PDE11A: variants seen among roughly 807,000 people sequenced by gnomAD.
PDE11A encodes phosphodiesterase 11A.
PDE11A carries 100 observed loss-of-function variants against 100.5 expected under a neutral mutation model. The observed-to-expected ratio is 1.00, with a 90% CI of 0.85 to 1.18. The LOEUF (loss-of-function observed/expected upper bound fraction) is 1.18, where lower values mean the gene tolerates loss of function less well. Among genes scored for constraint, PDE11A ranks in the 50% most tolerant of loss-of-function variants. The pLI is 0.00. For synonymous variants in PDE11A, 381 were observed against 420.8 expected, an observed-to-expected ratio of 0.91 and a Z score of 1.16; for missense variants, 1,141 against 1,152.6, an observed-to-expected ratio of 0.99 and a Z score of 0.15.
chr2:178,083,741 C>T (rs1398000351), intron 2 of PDE11A, among the ~76,000 whole-genome samples: 2 of 152,224 alleles, frequency 1.3e-5, no homozygotes, highest in Non-Finnish European at 2.9e-5. Context: ...GAAAATGTTC[C>T]TCTTTCTGGA....
intron 1 of PDE11A, 34 bp downstream of exon 1, chr2:178,071,492 G>A (rs2087128966): frequency 1.2e-6 from 2 of 1,612,478 alleles, no homozygotes; most frequent in Admixed American, 1.7e-5. Flanking sequence ...AAGCCAATGG[G>A]GCTCTGGGAG....
At chr2:178,077,368 G>C (rs963566936), upstream of PDE11A, among the ~76,000 whole-genome samples, 2 of 138,614 alleles carry the variant, frequency 1.4e-5, no homozygotes, top group African/African-American at 5.6e-5. Flanking sequence ...CAAAATATTT[G>C]CTCCTAAATG....
intron 10 of PDE11A, among the ~76,000 whole-genome samples, chr2:177,743,652 G>A (rs962049899): frequency 1.3e-5 from 2 of 152,210 alleles, no homozygotes; most frequent in Admixed American, 1.3e-4. Flanking sequence ...GCTACCACCT[G>A]CAGTTAGTTT....
chr2:178,030,723 T>A (rs919483480), intron 1 of PDE11A, among the ~76,000 whole-genome samples: 1 of 152,022 alleles, frequency 6.6e-6, no homozygotes, highest in Admixed American at 6.6e-5. Flanking sequence ...AAAAAATTTT[T>A]AAAAATTAGC....
At chr2:177,807,104 C>T (rs1056003015) in intron 9 of PDE11A, among the ~76,000 whole-genome samples, 1 of 152,000 alleles carries the variant, frequency 6.6e-6, no homozygotes, top group East Asian at 1.9e-4. Context: ...AAGTAAAACA[C>T]ATTTATGTAC....
intron 3 of PDE11A, among the ~76,000 whole-genome samples, chr2:177,902,129 G>T (rs1343088730): frequency 6.6e-6 from 1 of 152,168 alleles, no homozygotes; most frequent in East Asian, 1.9e-4. Flanking sequence ...CATCCAGATG[G>T]TCTGAAGCAA....
intron 9 of PDE11A, among the ~76,000 whole-genome samples, chr2:177,795,253 T>C (rs2105543363): frequency 6.6e-6 from 1 of 152,144 alleles, no homozygotes; most frequent in South Asian, 2.1e-4. Context: ...CTTTTGGAAA[T>C]AGACATATAA....
At chr2:177,733,101 T>C (rs2081718173) in intron 10 of PDE11A, among the ~76,000 whole-genome samples, 1 of 152,184 alleles carries the variant, frequency 6.6e-6, no homozygotes, top group South Asian at 2.1e-4. Context: ...GATTGCATCT[T>C]CCAAACCTAT....
At chr2:178,075,921 A>C (rs561301515), upstream of PDE11A, among the ~76,000 whole-genome samples, 6 of 152,314 alleles carry the variant, frequency 3.9e-5, no homozygotes, top group East Asian at 9.6e-4. Flanking sequence ...CCCTTTAGGA[A>C]ATATAGCTCC....
chr2:177,639,338 T>C (rs1276840573), intron 19 of PDE11A, among the ~76,000 whole-genome samples: 1 of 152,206 alleles, frequency 6.6e-6, no homozygotes, highest in Non-Finnish European at 1.5e-5. Flanking sequence ...CCCTTATCAC[T>C]GGTTTTAAAA....
At chr2:177,730,166 T>A (rs1030380531) in intron 10 of PDE11A, among the ~76,000 whole-genome samples, 22 of 152,226 alleles carry the variant, frequency 1.4e-4, no homozygotes, top group African/African-American at 5.3e-4. Flanking sequence ...CACGTTGGTG[T>A]GTTGCACCCA....
At position 178,014,388 on chromosome 2, in the gene PDE11A, G is replaced by A. The variant is rs188985665; in HGVS notation, c.985C>T (p.Arg329Ter). Residue 329 changes from arginine to a stop codon, truncating the protein, a stop_gained, in exon 2 of 20, where the codon CGA becomes TGA. Transcript: ENST00000286063. LOFTEE classifies it high-confidence loss of function. ...CCAATAATCTCACCATCACTGCTTC[G>A]GATAGGCATGCACAATAATGATTTT... ...KTKSLLCMPIRSSDGEIIGVA... is the reference protein window; with the variant it reads ...KTKSLLCMPI 2.4e-4 allele frequency: 382 copies of A among 1,611,182 alleles called. 2 individuals carry two copies. Among genetic ancestry groups the A allele is most frequent in the South Asian group, 7.6e-4 (69 of 91,002 alleles).
At chr2:177,789,686 C>T (rs1032410400) in intron 9 of PDE11A, among the ~76,000 whole-genome samples, 10 of 152,168 alleles carry the variant, frequency 6.6e-5, no homozygotes, top group African/African-American at 2.4e-4. Flanking sequence ...GCAACTTAAG[C>T]AAAGTCTCAG....
intron 5 of PDE11A, among the ~76,000 whole-genome samples, chr2:177,851,761 C>T (rs562809731): frequency 9.9e-5 from 15 of 151,872 alleles, no homozygotes; most frequent in Non-Finnish European, 1.9e-4. Context: ...CTTTTAAGTT[C>T]AGGGGTACAT....
intron 10 of PDE11A, among the ~76,000 whole-genome samples, chr2:177,766,284 A>G (rs748053340): frequency 6.6e-6 from 1 of 152,168 alleles, no homozygotes; most frequent in Non-Finnish European, 1.5e-5. Flanking sequence ...TCCTATGAGA[A>G]TCTAATGCCA....
chr2:178,014,809 G>A (rs2086315909), intron 1 of PDE11A, among the ~76,000 whole-genome samples: 1 of 151,864 alleles, frequency 6.6e-6, no homozygotes, highest in Non-Finnish European at 1.5e-5. Flanking sequence ...ACTTACATGA[G>A]AAATATATAC....
At chr2:178,030,412 C>T (rs1343575100) in intron 1 of PDE11A, among the ~76,000 whole-genome samples, 1 of 152,122 alleles carries the variant, frequency 6.6e-6, no homozygotes, top group Non-Finnish European at 1.5e-5. Flanking sequence ...GTTAAACATA[C>T]ACACACATCC....
chr2:177,647,407 C>A lies in PDE11A; in HGVS notation c.2646+16459G>T, dbSNP rs188163211. Among the ~76,000 whole-genome samples, 3 of 152,132 alleles carry A rather than the reference C, an allele frequency of 2.0e-5. No individual in the cohort carries two copies. The East Asian group carries it at 5.8e-4, about 29-fold the overall frequency. ...ATCTGTCCTTGGTGTGAATGGTGCT[C>A]GGTGTAAGTCACTATAGGACCTCAA... is the stretch of plus-strand genomic sequence containing the variant. On this transcript the variant is annotated intron_variant, in intron 19 of 19. Coordinates refer to ENST00000286063, the MANE Select transcript of PDE11A (RefSeq NM_016953.4).
At chr2:177,763,796 T>C (rs900151085) in intron 10 of PDE11A, among the ~76,000 whole-genome samples, 1 of 152,170 alleles carries the variant, frequency 6.6e-6, no homozygotes, top group African/African-American at 2.4e-5. Flanking sequence ...CTTCGGAAAT[T>C]GATTGCACAG....
Sources: gnomAD v4.1 joint callset for allele counts (sites outside exome capture counted in the v4.1 genomes callset) on GRCh38, gnomAD v4.1.1 for gene constraint, MANE v1.5 for transcripts, NCBI Gene and HGNC (gene_info 2026-07-23, HGNC 2026-07-21) for gene names.